Variants in RMND5A observed in about 807,000 individuals in gnomAD.
RMND5A encodes required for meiotic nuclear division 5 homolog A.
Under a neutral mutation model 49.7 loss-of-function variants are expected in RMND5A, and 17 were observed. That is an observed-to-expected ratio of 0.34 (90% CI 0.23 to 0.51). RMND5A has a LOEUF of 0.51. RMND5A is among the 20% of genes least tolerant of loss of function. The probability of loss-of-function intolerance (pLI) is 0.96; values close to 1 mark genes in which losing one functional copy is unlikely to be tolerated. For synonymous variants in RMND5A, 156 were observed against 167.7 expected (o/e 0.93, Z 0.54); for missense variants, 255 against 471.3 (o/e 0.54, Z 4.25).
intron 1 of RMND5A, among the ~76,000 whole-genome samples, chr2:86,732,597 C>A (rs374169211): frequency 6.7e-6 from 1 of 149,428 alleles, no homozygotes; most frequent in African/African-American, 2.6e-5. Flanking sequence ...TAGTTTTTAG[C>A]TTTGTGCAAA....
rs1672711965 is a variant in RMND5A, at chr2:86,773,245, T to C, written c.1113-103T>C. ...AAACAGACTTGTTTTTGTGTGTTCT[T>C]ATATGTGTGTATAATTGTTAAAGAT... On this transcript the variant is annotated intron_variant, in intron 8 of 8. Coordinates refer to ENST00000283632, the MANE Select transcript of RMND5A (RefSeq NM_022780.4). 3 of 587,108 alleles carry C rather than the reference T, an allele frequency of 5.1e-6. No individual in the cohort carries two copies. In the Admixed American group the frequency reaches 8.4e-5, roughly 16 times the overall value. 36.4% of individuals were successfully genotyped at this position (587,108 alleles called of 1,614,324 possible). A position where few individuals can be genotyped will look rare whatever the true frequency, so the allele number is the denominator to read the frequency against.
intron 3 of RMND5A, among the ~76,000 whole-genome samples, chr2:86,752,851 A>T (rs1182442654): frequency 1.3e-5 from 2 of 152,230 alleles, no homozygotes; most frequent in African/African-American, 4.8e-5. Flanking sequence ...TTCTATTTTA[A>T]ACAATTCAGA....
rs1004023880 is a variant in RMND5A at position 86,761,220 on chromosome 2, C to T, written c.522-3807C>T. ...CTCAGATGTCAAGGATTCATTAAGG[C>T]GGATGTTAACAATGATCATCACAGA... On this transcript the variant is annotated intron_variant, in intron 4 of 8. Coordinates refer to ENST00000283632, the MANE Select transcript of RMND5A (RefSeq NM_022780.4). 3.9e-5 allele frequency among the ~76,000 whole-genome samples: 6 copies of T among 152,096 alleles called. 1 individual carries two copies. Among genetic ancestry groups the T allele is most frequent in the Non-Finnish European group, 7.4e-5 (5 of 68,018 alleles).
intron 4 of RMND5A, among the ~76,000 whole-genome samples, chr2:86,756,395 A>T (rs1003873815): frequency 6.6e-5 from 10 of 152,144 alleles, no homozygotes; most frequent in African/African-American, 2.4e-4. Flanking sequence ...TAAGAAAATA[A>T]ATAGAAGTAA....
At chr2:86,762,276 T>C (rs1003568386) in intron 4 of RMND5A, among the ~76,000 whole-genome samples, 30 of 152,198 alleles carry the variant, frequency 2.0e-4, no homozygotes, top group African/African-American at 7.0e-4. Flanking sequence ...GGTATAGCAG[T>C]TGATAAATAA....
intron 7 of RMND5A, 38 bp downstream of exon 7, chr2:86,770,163 C>T (rs1348224692): frequency 7.5e-7 from 1 of 1,341,430 alleles, no homozygotes; most frequent in Admixed American, 1.7e-5. Context: ...ACTTTTACTG[C>T]CATTAGAAGA....
At chr2:86,768,654 G>A (rs1408678193) in intron 6 of RMND5A, among the ~76,000 whole-genome samples, 1 of 152,176 alleles carries the variant, frequency 6.6e-6, no homozygotes, top group African/African-American at 2.4e-5. Context: ...CTGGGGTTTT[G>A]TACCCTCACA....
At chr2:86,760,873 C>G (rs1672471496) in intron 4 of RMND5A, among the ~76,000 whole-genome samples, 1 of 152,100 alleles carries the variant, frequency 6.6e-6, no homozygotes, top group Non-Finnish European at 1.5e-5. Context: ...GGTAAAGTCA[C>G]TTCACCATCT....
intron 5 of RMND5A, 36 bp downstream of exon 5, chr2:86,765,229 CAG>C (rs781367681): frequency 6.4e-7 from 1 of 1,560,194 alleles, no homozygotes; most frequent in Non-Finnish European, 8.8e-7. Context: ...ATGTTTGAAA[CAG>C]GGCTATAGCC....
chr2:86,725,378 T>C (rs923762343), intron 1 of RMND5A, among the ~76,000 whole-genome samples: 1 of 134,930 alleles, frequency 7.4e-6, no homozygotes, highest in Non-Finnish European at 1.6e-5. Context: ...AATGCCAGTC[T>C]CCAGAAAAAA....
Position 86,774,557 on chromosome 2 carries a change from T to C in RMND5A, c.*1146T>C, listed in dbSNP as rs1489179388. The C allele has an allele frequency of 6.5e-6, 1 of 152,802 alleles. No individual in the cohort carries two copies. The highest frequency in any genetic ancestry group is 1.9e-4 in the East Asian group (1 of 5,190). The allele number at this position is 152,802 out of a possible 1,614,324, so 9.5% of individuals were successfully genotyped here. On this transcript the variant is annotated 3_prime_UTR_variant, in exon 9 of 9. Transcript: ENST00000283632. ...TAATGATCTTTTCTCTTGTGAGGTATCTTCATTTATGCACTGTCCAAAAAT... is the reference window on the plus strand; with the variant it reads ...TAATGATCTTTTCTCTTGTGAGGTACCTTCATTTATGCACTGTCCAAAAAT...
chr2:86,743,505 C>T (rs1474929553), intron 2 of RMND5A, among the ~76,000 whole-genome samples: 11 of 151,264 alleles, frequency 7.3e-5, no homozygotes. Flanking sequence ...ACTCTTTTTG[C>T]CCAAGCTGGA....
intron 6 of RMND5A, among the ~76,000 whole-genome samples, chr2:86,767,486 G>T (rs1672620745): frequency 7.9e-6 from 1 of 126,082 alleles, no homozygotes; most frequent in Admixed American, 8.4e-5. Flanking sequence ...TTGCTATGTT[G>T]TTCAGGTTGG....
At chr2:86,761,167 G>A (rs1672481869) in intron 4 of RMND5A, among the ~76,000 whole-genome samples, 1 of 152,154 alleles carries the variant, frequency 6.6e-6, no homozygotes, top group Non-Finnish European at 1.5e-5. Flanking sequence ...CTGCTATTGT[G>A]AGTAAGGATG....
chr2:86,757,943 C>G lies in RMND5A; in HGVS notation c.521+4385C>G, dbSNP rs1196628599. Among the ~76,000 whole-genome samples the G allele has an allele frequency of 1.3e-5, 2 of 152,172 alleles. 1 individual carries two copies. The highest frequency in any genetic ancestry group is 3.8e-4 in the East Asian group (2 of 5,200). ...GAGCTTGCAAAGCCTGGAGTTGGAA[C>G]AAGAGGAGATTGTTCTAGAAAATGT... On this transcript the variant is annotated intron_variant, in intron 4 of 8. Coordinates refer to ENST00000283632, the MANE Select transcript of RMND5A (RefSeq NM_022780.4).
intron 7 of RMND5A, among the ~76,000 whole-genome samples, chr2:86,770,426 A>G (rs902946287): frequency 3.9e-5 from 6 of 152,160 alleles, no homozygotes; most frequent in African/African-American, 1.4e-4. Context: ...CAGTTCACAG[A>G]CCACTCCTGT....
intron 4 of RMND5A, among the ~76,000 whole-genome samples, chr2:86,756,569 T>TA (rs548620917): frequency 4.6e-5 from 7 of 152,220 alleles, no homozygotes; most frequent in Non-Finnish European, 8.8e-5. Context: ...AAATCGTCAT[T>TA]ACAACAATTC....
chr2:86,750,730 G>C (rs774913534), intron 2 of RMND5A, among the ~76,000 whole-genome samples: 1 of 148,388 alleles, frequency 6.7e-6, no homozygotes, highest in Non-Finnish European at 1.5e-5. Flanking sequence ...TGACACACAC[G>C]TTAGAGCTTT....
intron 6 of RMND5A, among the ~76,000 whole-genome samples, chr2:86,768,522 A>G (rs1278191090): frequency 2.0e-5 from 3 of 152,232 alleles, no homozygotes; most frequent in Non-Finnish European, 4.4e-5. Context: ...GAATGAAAAC[A>G]GCAGGATTGG....
Sources: allele counts gnomAD v4.1 joint callset (sites outside exome capture counted in the v4.1 genomes callset), GRCh38; gene constraint gnomAD v4.1.1; transcripts MANE v1.5; gene names NCBI Gene and HGNC (gene_info 2026-07-23, HGNC 2026-07-21).